Variants in JPH1 observed in about 807,000 individuals in gnomAD.
The protein encoded by JPH1 is junctophilin 1.
In JPH1, 12 loss-of-function variants were observed where a neutral mutation model predicts 53.6. That is an observed-to-expected ratio of 0.22 (90% CI 0.14 to 0.36). JPH1 has a LOEUF of 0.36. Among genes scored for constraint, JPH1 ranks in the 10% least tolerant of loss-of-function variants. The pLI, the probability that JPH1 is intolerant of heterozygous loss-of-function variation, is 1.00. For missense variants in JPH1, 808 were observed against 905.5 expected, an observed-to-expected ratio of 0.89 and a Z score of 1.38; for synonymous variants, 375 against 363.8, an observed-to-expected ratio of 1.03 and a Z score of -0.35.
chr8:74,303,845 T>C (rs1480907555), intron 2 of JPH1, among the ~76,000 whole-genome samples: 1 of 152,188 alleles, frequency 6.6e-6, no homozygotes, highest in Admixed American at 6.5e-5. Context: ...GATGATGATG[T>C]AATTCTGCCT....
At chr8:74,283,770 A>G (rs528176840) in intron 2 of JPH1, among the ~76,000 whole-genome samples, 1 of 152,220 alleles carries the variant, frequency 6.6e-6, no homozygotes, top group Non-Finnish European at 1.5e-5. Context: ...CAGCTTGAAT[A>G]CTAACATACA....
chr8:74,311,013 G>A (rs186205460), intron 2 of JPH1, among the ~76,000 whole-genome samples: 81 of 152,286 alleles, frequency 5.3e-4, no homozygotes, highest in African/African-American at 1.8e-3. Context: ...GGGGCCTTCA[G>A]TCTTCTCTAC....
At chr8:74,244,180 T>A (rs1439704677) in intron 4 of JPH1, among the ~76,000 whole-genome samples, 2 of 152,192 alleles carry the variant, frequency 1.3e-5, no homozygotes, top group Non-Finnish European at 2.9e-5. Context: ...GCAGGGGTCA[T>A]GATTCCTTTC....
At chr8:74,243,114 G>A (rs538964933) in intron 4 of JPH1, among the ~76,000 whole-genome samples, 53 of 152,264 alleles carry the variant, frequency 3.5e-4, no homozygotes, top group Non-Finnish European at 5.1e-4. Flanking sequence ...ATTTTTCCCT[G>A]TGTAAATCAG....
chr8:74,269,618 G>A (rs1806640676), intron 2 of JPH1, among the ~76,000 whole-genome samples: 1 of 152,214 alleles, frequency 6.6e-6, no homozygotes, highest in South Asian at 2.1e-4. Flanking sequence ...TGAAACTTCT[G>A]CTTTAACACA....
chr8:74,275,954 TA>T (rs1806835841), intron 2 of JPH1, among the ~76,000 whole-genome samples: 1 of 152,174 alleles, frequency 6.6e-6, no homozygotes, highest in East Asian at 1.9e-4. Flanking sequence ...AAAATATTTT[TA>T]AAAATATTCC....
intron 4 of JPH1, among the ~76,000 whole-genome samples, chr8:74,239,559 T>C (rs1471907412): frequency 2.0e-5 from 3 of 152,176 alleles, no homozygotes; most frequent in Non-Finnish European, 4.4e-5. Context: ...ATTTAGAGCA[T>C]AGAAATAATG....
At chr8:74,304,150 G>A (rs1807765944) in intron 2 of JPH1, among the ~76,000 whole-genome samples, 1 of 152,350 alleles carries the variant, frequency 6.6e-6, no homozygotes, top group South Asian at 2.1e-4. Flanking sequence ...GCAAGGTGCT[G>A]ATAATCCAAT....
Position 74,321,299 on chromosome 8 carries a change from C to A in JPH1, c.-12G>T. ...CTTCCGCCCGTCATTCGGGGGGCAG[C>A]CCCGGCGCGCTCCCCGCAGGGGCAC... is the stretch of plus-strand genomic sequence containing the variant. On this transcript the variant is annotated 5_prime_UTR_variant, in exon 1 of 6. Transcript: ENST00000342232. This position sits in a 1 kb window ranked among gnomAD's most constrained non-coding sequence, Gnocchi z 4.3. 6.5e-7 allele frequency: 1 copy of A among 1,535,134 alleles called. No individual in the cohort carries two copies. Among genetic ancestry groups the A allele is most frequent in the South Asian group, 1.3e-5 (1 of 78,996 alleles).
intron 3 of JPH1, among the ~76,000 whole-genome samples, chr8:74,256,002 G>T (rs929455211): frequency 3.9e-5 from 6 of 152,148 alleles, no homozygotes; most frequent in Admixed American, 3.9e-4. Context: ...CAGGGATCTA[G>T]AACTAGAAAT....
intron 2 of JPH1, among the ~76,000 whole-genome samples, chr8:74,264,312 C>T (rs939791568): frequency 2.6e-5 from 4 of 151,928 alleles, no homozygotes; most frequent in Non-Finnish European, 5.9e-5. Context: ...CCATAAATTC[C>T]TTTTTTTTAA....
chr8:74,282,194 T>C (rs1807033442), intron 2 of JPH1, among the ~76,000 whole-genome samples: 1 of 152,180 alleles, frequency 6.6e-6, no homozygotes, highest in Admixed American at 6.5e-5. Flanking sequence ...CCCCAAAGCA[T>C]GTGTTCTTCC....
chr8:74,274,290 T>C (rs908498379), intron 2 of JPH1, among the ~76,000 whole-genome samples: 4 of 152,100 alleles, frequency 2.6e-5, no homozygotes, highest in Non-Finnish European at 5.9e-5. Context: ...AGAGACTGAA[T>C]TGAGAAACGT....
intron 2 of JPH1, among the ~76,000 whole-genome samples, chr8:74,301,163 C>T (rs1351626631): frequency 6.6e-6 from 1 of 152,124 alleles, no homozygotes; most frequent in East Asian, 1.9e-4. Flanking sequence ...GCCACCCTGC[C>T]CTCAACCAGG....
intron 4 of JPH1, among the ~76,000 whole-genome samples, chr8:74,244,066 G>A (rs1805777596): frequency 6.6e-6 from 1 of 152,216 alleles, no homozygotes; most frequent in Admixed American, 6.5e-5. Flanking sequence ...ACGGCTAGAG[G>A]AGACGTTCTT....
chr8:74,239,531 ACTC>A (rs766766359), intron 4 of JPH1, among the ~76,000 whole-genome samples: 132 of 152,244 alleles, frequency 8.7e-4, no homozygotes, highest in Non-Finnish European at 1.5e-3. Flanking sequence ...AACCTGTGCA[ACTC>A]CTCAATTATG....
intron 2 of JPH1, among the ~76,000 whole-genome samples, chr8:74,289,159 C>T (rs748531883): frequency 3.9e-5 from 6 of 152,158 alleles, no homozygotes; most frequent in Non-Finnish European, 8.8e-5. Flanking sequence ...CGGGAAAGGA[C>T]GTTTTCTATA....
intron 2 of JPH1, among the ~76,000 whole-genome samples, chr8:74,306,556 GT>G (rs1807839145): frequency 6.6e-6 from 1 of 151,624 alleles, no homozygotes; most frequent in African/African-American, 2.4e-5. Context: ...AAAGTATAAA[GT>G]ACAACAAAAG....
At chr8:74,258,339 A>G (rs1806297314) in intron 3 of JPH1, among the ~76,000 whole-genome samples, 1 of 152,266 alleles carries the variant, frequency 6.6e-6, no homozygotes, top group Admixed American at 6.5e-5. Context: ...ATATATAAAT[A>G]GGTGAATATT....
Sources: gnomAD v4.1 joint callset for allele counts (sites outside exome capture counted in the v4.1 genomes callset) on GRCh38, gnomAD v4.1.1 for gene constraint, Gnocchi (gnomAD v3.1) non-coding constraint, MANE v1.5 for transcripts, NCBI Gene and HGNC (gene_info 2026-07-23, HGNC 2026-07-21) for gene names.